The following TPR variants were observed in gnomAD, a reference collection of about 807,000 sequenced individuals.
The protein encoded by TPR is translocated promoter region, nuclear basket protein.
A neutral mutation model predicts 316.1 loss-of-function variants in TPR; 51 were observed. The observed-to-expected ratio is 0.16, with a 90% CI of 0.13 to 0.20. The LOEUF (loss-of-function observed/expected upper bound fraction) is 0.20, where lower values mean the gene tolerates loss of function less well. TPR is among the 10% of genes least tolerant of loss of function. TPR has a pLI of 1.00. For missense variants in TPR, 2,272 were observed against 2,754.8 expected, an observed-to-expected ratio of 0.82 and a Z score of 3.92; for synonymous variants, 981 against 914.7, an observed-to-expected ratio of 1.07 and a Z score of -1.31.
At position 186,311,956 on chromosome 1, in the gene TPR, A is replaced by G. The variant is rs889501294; in HGVS notation, c.*2015T>C. On this transcript the variant is annotated 3_prime_UTR_variant, in exon 51 of 51. Coordinates refer to ENST00000367478, the MANE Select transcript of TPR (RefSeq NM_003292.3). ...GTCACTTTCAATTGAAATTAAATATATAACTATGTAATTTGCTGCATCTAT... is the reference window on the plus strand; with the variant it reads ...GTCACTTTCAATTGAAATTAAATATGTAACTATGTAATTTGCTGCATCTAT... The G allele has an allele frequency of 4.3e-5, 24 of 558,814 alleles. No individual in the cohort carries two copies. The Admixed American group carries it at 5.3e-4, about 12-fold the overall frequency. The allele number at this position is 558,814 out of a possible 1,614,324, so 34.6% of individuals were successfully genotyped here.
chr1:186,339,114 A>C (rs1003777511), intron 30 of TPR, among the ~76,000 whole-genome samples: 1 of 152,140 alleles, frequency 6.6e-6, no homozygotes, highest in African/African-American at 2.4e-5. Context: ...CTATTAGTTC[A>C]TGTGAGAAAA....
intron 17 of TPR, 188 bp from the exon 18 acceptor site, chr1:186,354,038 T>C: frequency 2.1e-6 from 1 of 474,786 alleles, no homozygotes; most frequent in South Asian, 4.4e-5. Flanking sequence ...GGAACAGTTT[T>C]TATATTTTAT....
Position 186,344,005 on chromosome 1 carries a change from T to C in TPR, c.3503A>G (p.Asp1168Gly), listed in dbSNP as rs1375486452. The change falls in exon 26 of 51, where the codon GAC becomes GGC. Residue 1168 changes from aspartate to glycine, a missense_variant. Transcript: ENST00000367478. Reference sequence around the variant, plus strand: ...TTCCTTCACAGAGGCAACGACCTTGTCACTTAATTTTTCGATCTGATCATG... The same window carrying C: ...TTCCTTCACAGAGGCAACGACCTTGCCACTTAATTTTTCGATCTGATCATG... ...LLHDQIEKLS[D>G]KVVASVKEGV... The C allele has an allele frequency of 1.9e-6, 3 of 1,614,210 alleles. No homozygotes were observed. The highest frequency in any genetic ancestry group is 2.2e-5 in the South Asian group (2 of 91,082).
chr1:186,334,416 G>A lies in TPR; in HGVS notation c.5091C>T (p.Ile1697=), dbSNP rs1470340751. ...AGNKSTPRAS[I]RPMVTPATVT... ...CAGTTGCAGGTGTAACCATTGGGCGGATACTAGCCCTGGGTGTTGACTTAT... is the reference window on the plus strand; with the variant it reads ...CAGTTGCAGGTGTAACCATTGGGCGAATACTAGCCCTGGGTGTTGACTTAT... The change falls in exon 36 of 51, where the codon ATC becomes ATT. Residue 1697 remains isoleucine, a synonymous_variant. Transcript: ENST00000367478. 4.3e-6 allele frequency: 7 copies of A among 1,613,520 alleles called. No individual in the cohort carries two copies. The highest frequency in any genetic ancestry group is 5.9e-6 in the Non-Finnish European group (7 of 1,179,758).
rs577967432 is a variant in TPR, at chr1:186,328,263, C to T, written c.5689-603G>A. Reference sequence around the variant, plus strand: ...GCATTCAAAACTACTAGCGTGATATCGCGTATCAGTGCTGTGAGACAGGAA... The same window carrying T: ...GCATTCAAAACTACTAGCGTGATATTGCGTATCAGTGCTGTGAGACAGGAA... On this transcript the variant is annotated intron_variant, in intron 39 of 50. Coordinates refer to ENST00000367478, the MANE Select transcript of TPR (RefSeq NM_003292.3). Among the ~76,000 whole-genome samples, 7 of 152,184 alleles carry T rather than the reference C, an allele frequency of 4.6e-5. No individual in the cohort carries two copies. In the South Asian group the frequency reaches 1.2e-3, roughly 27 times the overall value.
intron 2 of TPR, 35 bp from the exon 3 acceptor site, chr1:186,371,078 T>C: frequency 6.4e-7 from 1 of 1,561,310 alleles, no homozygotes; most frequent in South Asian, 1.1e-5. Context: ...ACATACACAT[T>C]TGCTTAAAAC....
At position 186,359,803 on chromosome 1, in the gene TPR, A is replaced by C; in HGVS notation, c.1385T>G (p.Met462Arg). The change falls in exon 12 of 51, where the codon ATG becomes AGG. Residue 462 changes from methionine (M) to arginine (R), a missense_variant. Physicochemically the swap from Met to Arg is moderately conservative, Grantham distance 91 (BLOSUM62 -1). Transcript: ENST00000367478. ...AATTTTAGGAATGGAACCAACCTTCATAGCTTGTTCAAGCTTAACAGATAA... is the reference window on the plus strand; with the variant it reads ...AATTTTAGGAATGGAACCAACCTTCCTAGCTTGTTCAAGCTTAACAGATAA... ...ASLSVKLEQA[M>R]KEIQRLQEDT... is the part of the protein sequence containing the mutation. 1.3e-6 allele frequency: 2 copies of C among 1,581,246 alleles called. No homozygotes were observed. Among genetic ancestry groups the C allele is most frequent in the Non-Finnish European group, 1.7e-6 (2 of 1,171,132 alleles).
intron 42 of TPR, 24 bp downstream of exon 42, chr1:186,325,740 A>C (rs770857194): frequency 1.3e-6 from 2 of 1,592,234 alleles, no homozygotes; most frequent in South Asian, 1.1e-5. Flanking sequence ...TATTCAATTC[A>C]AAAAAGGCTA....
At chr1:186,362,073 A>C (rs1471073784) in intron 7 of TPR, among the ~76,000 whole-genome samples, 1 of 151,960 alleles carries the variant, frequency 6.6e-6, no homozygotes, top group African/African-American at 2.4e-5. Context: ...TAAACAATAA[A>C]ATTAACCCAT....
In TPR at chr1:186,337,103, T is replaced by G. The variant is rs772111720; in HGVS notation, c.4416A>C (p.Ser1472=). The change falls in exon 32 of 51, where the codon TCA becomes TCC. Residue 1472 remains serine (S), a synonymous_variant. Transcript: ENST00000367478. ...CTTTGAGTTCCTGCATTTCCTGGAC[T>G]GAAACATGCTGCTCCTGATGGTCTC... is the stretch of plus-strand genomic sequence containing the variant. ...SSGDHQEQHV[S]VQEMQELKET... 3.7e-6 allele frequency: 6 copies of G among 1,613,930 alleles called. No individual in the cohort carries two copies. The South Asian group carries it at 5.5e-5, about 15-fold the overall frequency.
intron 33 of TPR, among the ~76,000 whole-genome samples, chr1:186,336,155 T>C (rs565284952): frequency 6.6e-6 from 1 of 152,236 alleles, no homozygotes; most frequent in South Asian, 2.1e-4. Flanking sequence ...TAAAGATCTT[T>C]ATGCAGTCTA....
chr1:186,345,530 A>G, intron 24 of TPR, 50 bp downstream of exon 24: 1 of 1,397,438 alleles, frequency 7.2e-7, no homozygotes, highest in Non-Finnish European at 1.0e-6. Flanking sequence ...ATACTTCAAG[A>G]ATCATTCTCT....
In TPR at chr1:186,361,770, T is replaced by C. The variant is rs755684189; in HGVS notation, c.870+19A>G. 1.2e-6 allele frequency: 2 copies of C among 1,613,098 alleles called. No individual in the cohort carries two copies. Among genetic ancestry groups the C allele is most frequent in the Admixed American group, 3.3e-5 (2 of 59,942 alleles). ...ACAATGCAACATTTAGATACTAACA[T>C]GTGTGGTGGGATATTTACCTTGTAC... On this transcript the variant is annotated intron_variant, in intron 8 of 50. Coordinates refer to ENST00000367478, the MANE Select transcript of TPR (RefSeq NM_003292.3).
At chr1:186,327,424 G>A (rs774594312) in intron 40 of TPR, 36 bp downstream of exon 40, 3 of 1,596,916 alleles carry the variant, frequency 1.9e-6, no homozygotes, top group Non-Finnish European at 8.5e-7. Flanking sequence ...TCATCCAATA[G>A]TTTAAAAACA....
chr1:186,313,756 A>T lies in TPR; in HGVS notation c.*215T>A, dbSNP rs779729256. 1.9e-6 allele frequency: 3 copies of T among 1,606,580 alleles called. No homozygotes were observed. The highest frequency in any genetic ancestry group is 2.6e-6 in the Non-Finnish European group (3 of 1,173,258). On this transcript the variant is annotated 3_prime_UTR_variant, in exon 51 of 51. Coordinates refer to ENST00000367478, the MANE Select transcript of TPR (RefSeq NM_003292.3). ...ACTCGTTCTGGGCAGACCTTATCCA[A>T]AGTCTGGTACAACTGTCCTTAGACT...
At chr1:186,365,053 A>ATGCTT (rs1659299791) in intron 4 of TPR, among the ~76,000 whole-genome samples, 1 of 150,742 alleles carries the variant, frequency 6.6e-6, no homozygotes, top group Non-Finnish European at 1.5e-5. Flanking sequence ...GGTTCCACTC[A>ATGCTT]TGCTTTGTCC....
chr1:186,343,877 A>T, intron 26 of TPR, 29 bp downstream of exon 26: 1 of 1,569,172 alleles, frequency 6.4e-7, no homozygotes, highest in Non-Finnish European at 8.7e-7. Flanking sequence ...GTTATACCAC[A>T]GAAATGAAGC....
chr1:186,361,054 C>T, intron 9 of TPR, 149 bp from the exon 10 acceptor site: 1 of 848,048 alleles, frequency 1.2e-6, no homozygotes, highest in Middle Eastern at 3.7e-4. Context: ...AAAGTTCTTG[C>T]TCTACTTATA....
intron 18 of TPR, among the ~76,000 whole-genome samples, chr1:186,353,424 C>A (rs2101977380): frequency 6.6e-6 from 1 of 152,088 alleles, no homozygotes; most frequent in East Asian, 1.9e-4. Flanking sequence ...AAACACTGAC[C>A]TACAAATTTA....
Sources: allele counts gnomAD v4.1 joint callset (sites outside exome capture counted in the v4.1 genomes callset), GRCh38; gene constraint gnomAD v4.1.1; transcripts MANE v1.5; gene names NCBI Gene and HGNC (gene_info 2026-07-23, HGNC 2026-07-21).